The following NLRP4 variants were observed in gnomAD, a reference collection of about 807,000 sequenced individuals.
NLRP4 encodes the protein NACHT, LRR and PYD domains-containing protein 4.
NLRP4 carries 44 observed loss-of-function variants against 84.7 expected under a neutral mutation model. That is an observed-to-expected ratio of 0.52 (90% CI 0.41 to 0.67). The LOEUF (loss-of-function observed/expected upper bound fraction) is 0.67, where lower values mean the gene tolerates loss of function less well. Ranked by LOEUF, NLRP4 falls within the 30% of genes least tolerant of loss-of-function variation. The pLI is 0.00. For synonymous variants in NLRP4, 544 were observed against 476.4 expected (o/e 1.14, Z -1.85); for missense variants, 1,260 against 1,219.4 (o/e 1.03, Z -0.50).
rs753540929 is a variant in NLRP4, at chr19:55,858,047, G to T, written c.654G>T (p.Glu218Asp). 1 of 1,614,148 alleles carries T rather than the reference G, an allele frequency of 6.2e-7. No individual in the cohort carries two copies. The highest frequency in any genetic ancestry group is 2.2e-5 in the East Asian group (1 of 44,878). ...EWPDPAAPIT[E>D]IVSQPERLLF... ...CTGACCCCGCTGCTCCTATAACAGA[G>T]ATCGTGTCTCAACCGGAGAGACTCT... The change falls in exon 3 of 10, where the codon GAG (glutamate) becomes GAT (aspartate). Residue 218 changes from glutamate (E) to aspartate (D), a missense_variant. Physicochemically the swap from Glu to Asp is conservative, Grantham distance 45 (BLOSUM62 2). Coordinates refer to ENST00000301295, the MANE Select transcript of NLRP4 (RefSeq NM_134444.5). The surrounding 1 kb of genome is among the most constrained non-coding windows in gnomAD (Gnocchi z 4.2).
intron 5 of NLRP4, 96 bp from the exon 6 acceptor site, chr19:55,867,613 A>G (rs1055976007): frequency 2.1e-5 from 23 of 1,120,086 alleles, no homozygotes; most frequent in South Asian, 4.2e-5. Context: ...TCTCAAGGAC[A>G]GCAAATGTGG....
intron 1 of NLRP4, 35 bp from the exon 2 acceptor site, chr19:55,851,981 T>G: frequency 1.2e-6 from 1 of 836,332 alleles, no homozygotes; most frequent in Non-Finnish European, 2.0e-6. Context: ...TCCATTTATT[T>G]GTAATAACTT....
intron 5 of NLRP4, among the ~76,000 whole-genome samples, chr19:55,865,618 C>T (rs755522760): frequency 5.5e-4 from 84 of 152,200 alleles, no homozygotes; most frequent in Non-Finnish European, 1.1e-3. Context: ...GCAACCTCAC[C>T]AGCATATATT....
chr19:55,861,453 G>A lies in NLRP4; in HGVS notation c.1924G>A (p.Glu642Lys). Reference protein sequence around the residue: ...SVLTTSGHLRELQVQDSTLSE... With the variant: ...SVLTTSGHLRKLQVQDSTLSE... ...GCTCACCACCAGCGGGCACCTCAGAGAGCTCCAGGTGCAGGACAGCACCCT... is the reference window on the plus strand; with the variant it reads ...GCTCACCACCAGCGGGCACCTCAGAAAGCTCCAGGTGCAGGACAGCACCCT... The change falls in exon 4 of 10, where the codon GAG becomes AAG. Residue 642 changes from glutamate to lysine, a missense_variant. Physicochemically the swap from Glu to Lys is moderately conservative, Grantham distance 56 (BLOSUM62 1). This residue lies in a region of NLRP4 where 544 missense variants were observed against 531.7 expected (regional missense o/e 1.02). Transcript: ENST00000301295. The A allele has an allele frequency of 1.9e-6, 3 of 1,614,016 alleles. No homozygotes were observed. The highest frequency in any genetic ancestry group is 2.5e-6 in the Non-Finnish European group (3 of 1,179,842).
In NLRP4 at chr19:55,868,503, C is replaced by CTTT. The variant is rs58089624; in HGVS notation, c.2354+640_2354+642dup. Among the ~76,000 whole-genome samples, 636 of 139,914 alleles carry CTTT rather than the reference C, an allele frequency of 4.5e-3. 3 individuals carry two copies. Among genetic ancestry groups the CTTT allele is most frequent in the African/African-American group, 0.013 (507 of 37,756 alleles). 91.8% of individuals were successfully genotyped at this position (139,914 alleles called of 152,430 possible). On this transcript the variant is annotated intron_variant, in intron 6 of 9. Transcript: ENST00000301295. ...CAGGAGAATATATATGCATTTGTGTCTTTTTTTTTTTTTTTGAGTTTTGAG... is the reference window on the plus strand; with the variant it reads ...CAGGAGAATATATATGCATTTGTGTCTTTTTTTTTTTTTTTTTTGAGTTTTGAG...
intron 9 of NLRP4, among the ~76,000 whole-genome samples, chr19:55,881,129 AG>A (rs1266003262): frequency 6.2e-5 from 3 of 48,052 alleles, no homozygotes; most frequent in African/African-American, 1.9e-4. Context: ...CAAGCTGGTG[AG>A]AGCCACGTGT....
rs114265000 is a variant in NLRP4, at chr19:55,881,349, C to T, written c.2868-121C>T. On this transcript the variant is annotated intron_variant, in intron 9 of 9. Coordinates refer to ENST00000301295, the MANE Select transcript of NLRP4 (RefSeq NM_134444.5). ...TGCATTTGATGTGTATGTCTTTCCT[C>T]TTGGAGGTAACACCAGGGTTTCCTA... 2.2e-3 allele frequency: 1,326 copies of T among 599,828 alleles called. 22 individuals are homozygous for T. Among genetic ancestry groups the T allele is most frequent in the African/African-American group, 0.022 (1,167 of 53,544 alleles). The allele number at this position is 599,828 out of a possible 1,614,324, so 37.2% of individuals were successfully genotyped here.
intron 2 of NLRP4, among the ~76,000 whole-genome samples, chr19:55,853,515 C>G (rs756811948): frequency 6.6e-6 from 1 of 152,124 alleles, no homozygotes; most frequent in Non-Finnish European, 1.5e-5. Context: ...CTCAGCCTCC[C>G]AAGTAGCTGG....
chr19:55,858,927 C>T lies in NLRP4; in HGVS notation c.1534C>T (p.Gln512Ter). ...FLTGLLNKKE[Q>*]EKLDAFFGFQ... Reference sequence around the variant, plus strand: ...AACTGGCCTTTTAAATAAAAAGGAACAAGAAAAACTGGATGCGTTTTTTGG... The same window carrying T: ...AACTGGCCTTTTAAATAAAAAGGAATAAGAAAAACTGGATGCGTTTTTTGG... Residue 512 changes from glutamine (Q) to a stop codon, truncating the protein, a stop_gained, in exon 3 of 10, where the codon CAA becomes TAA. Transcript: ENST00000301295. LOFTEE classifies it high-confidence loss of function. The surrounding 1 kb of genome is among the most constrained non-coding windows in gnomAD (Gnocchi z 4.2). 6.2e-7 allele frequency: 1 copy of T among 1,613,902 alleles called. No individual in the cohort carries two copies. Among genetic ancestry groups the T allele is most frequent in the Non-Finnish European group, 8.5e-7 (1 of 1,179,898 alleles).
chr19:55,852,570 A>G (rs1015312494), intron 2 of NLRP4, among the ~76,000 whole-genome samples: 1 of 145,398 alleles, frequency 6.9e-6, no homozygotes, highest in Non-Finnish European at 1.5e-5. Flanking sequence ...TCCACCTCCC[A>G]GGTTCAAGTG....
At chr19:55,868,543 C>T (rs1985052475) in intron 6 of NLRP4, among the ~76,000 whole-genome samples, 1 of 139,306 alleles carries the variant, frequency 7.2e-6, no homozygotes, top group South Asian at 2.2e-4. Flanking sequence ...GCTCTTGTTG[C>T]CCAGGCTAGA....
chr19:55,866,712 A>C (rs1355586360), intron 5 of NLRP4, among the ~76,000 whole-genome samples: 2 of 152,242 alleles, frequency 1.3e-5, no homozygotes, highest in African/African-American at 4.8e-5. Context: ...ACAGGCCAGA[A>C]AAAGAGCATT....
In NLRP4 at chr19:55,878,839, G is replaced by A. The variant is rs772255842; in HGVS notation, c.2742G>A (p.Ala914=). 4.5e-5 allele frequency: 72 copies of A among 1,613,818 alleles called. No homozygotes were observed. Among genetic ancestry groups the A allele is most frequent in the Middle Eastern group, 1.6e-4 (1 of 6,062 alleles). Residue 914 remains alanine (A), a synonymous_variant, in exon 9 of 10, where the codon GCG becomes GCA. Transcript: ENST00000301295. ...CGAGCACCTGCTGTAAGGATCTCGC[G>A]TCTGTTCTCACCTGCAGTAAGACCC... is the stretch of plus-strand genomic sequence containing the variant. The part of the protein sequence containing the change: ...GLTSTCCKDL[A]SVLTCSKTLQ...
intron 3 of NLRP4, among the ~76,000 whole-genome samples, chr19:55,860,314 T>G (rs1208702249): frequency 6.6e-6 from 1 of 152,190 alleles, no homozygotes; most frequent in Non-Finnish European, 1.5e-5. Context: ...TTACAGCTCA[T>G]GCCTATAACC....
chr19:55,859,046 G>A lies in NLRP4; in HGVS notation c.1653G>A (p.Leu551=). The part of the protein sequence containing the change: ...RGNPQGQVDS[L]AIFYCLFEMQ... ...ATCCTCAGGGACAGGTGGATTCCTTGGCGATATTTTACTGTCTCTTTGAAA... is the reference window on the plus strand; with the variant it reads ...ATCCTCAGGGACAGGTGGATTCCTTAGCGATATTTTACTGTCTCTTTGAAA... Residue 551 remains leucine, a synonymous_variant, in exon 3 of 10, where the codon TTG becomes TTA. Transcript: ENST00000301295. 1 of 1,613,936 alleles carries A rather than the reference G, an allele frequency of 6.2e-7. No homozygotes were observed. Among genetic ancestry groups the A allele is most frequent in the African/African-American group, 1.3e-5 (1 of 75,028 alleles).
intron 3 of NLRP4, among the ~76,000 whole-genome samples, chr19:55,860,961 A>G (rs1984726119): frequency 6.6e-6 from 1 of 152,198 alleles, no homozygotes; most frequent in Non-Finnish European, 1.5e-5. Context: ...CTGGGCAACA[A>G]GAGTGAAACT....
rs1312426433 is a variant in NLRP4 at position 55,870,894 on chromosome 19, A to G, written c.2422A>G (p.Ser808Gly). 6.2e-7 allele frequency: 1 copy of G among 1,614,084 alleles called. No individual in the cohort carries two copies. Among genetic ancestry groups the G allele is most frequent in the Admixed American group, 1.7e-5 (1 of 60,012 alleles). The part of the protein sequence containing the change: ...YISEMLLRNK[S>G]VRYLDLSANV... ...CTCTGAAATGCTTCTGCGTAACAAG[A>G]GCGTGCGCTATCTAGACCTCAGTGC... is the stretch of plus-strand genomic sequence containing the variant. The change falls in exon 7 of 10, where the codon AGC (serine) becomes GGC (glycine). Residue 808 changes from serine (S) to glycine (G), a missense_variant. Physicochemically the swap from Ser to Gly is moderately conservative, Grantham distance 56. This residue lies in a region of NLRP4 where 544 missense variants were observed against 531.7 expected (regional missense o/e 1.02). Coordinates refer to ENST00000301295, the MANE Select transcript of NLRP4 (RefSeq NM_134444.5).
chr19:55,861,626 T>A, intron 4 of NLRP4, 79 bp downstream of exon 4: 2 of 1,328,708 alleles, frequency 1.5e-6, no homozygotes, highest in Middle Eastern at 2.1e-4. Context: ...CAGTCGAGGC[T>A]AACTGCACAA....
At chr19:55,874,414 A>G (rs1040375391) in intron 7 of NLRP4, among the ~76,000 whole-genome samples, 1 of 152,200 alleles carries the variant, frequency 6.6e-6, no homozygotes, top group Non-Finnish European at 1.5e-5. Context: ...GTGGCTGGCT[A>G]TCACACTGAA....
Sources: gnomAD v4.1 joint callset for allele counts (sites outside exome capture counted in the v4.1 genomes callset) on GRCh38, gnomAD v4.1.1 for gene constraint, gnomAD v4.1.1 regional missense constraint, Gnocchi (gnomAD v3.1) non-coding constraint, MANE v1.5 for transcripts, NCBI Gene and HGNC (gene_info 2026-07-23, HGNC 2026-07-21) for gene names.